PDE4D: variants seen among roughly 807,000 people sequenced by gnomAD.
PDE4D encodes 3',5'-cyclic-AMP phosphodiesterase 4D.
PDE4D carries 24 observed loss-of-function variants against 87.4 expected under a neutral mutation model. The ratio of observed to expected loss-of-function variants is 0.27; its 90% CI spans 0.20 to 0.39. The LOEUF (loss-of-function observed/expected upper bound fraction) is 0.39. PDE4D is among the 10% of genes least tolerant of loss of function. PDE4D has a pLI of 1.00. For synonymous variants in PDE4D, 384 were observed against 383.2 expected (o/e 1.00, Z -0.02); for missense variants, 714 against 1,041.0 (o/e 0.69, Z 4.32).
intron 1 of PDE4D, among the ~76,000 whole-genome samples, chr5:59,309,177 C>T (rs557218801): frequency 1.2e-3 from 178 of 152,234 alleles, no homozygotes; most frequent in African/African-American, 4.0e-3. Flanking sequence ...CCCAGGCTAC[C>T]CACCTCCCAG....
At chr5:59,221,084 C>T (rs139481341) in intron 1 of PDE4D, among the ~76,000 whole-genome samples, 2 of 152,078 alleles carry the variant, frequency 1.3e-5, no homozygotes, top group African/African-American at 2.4e-5. Context: ...ATTTTCCATT[C>T]GACCATGGGG....
intron 3 of PDE4D, among the ~76,000 whole-genome samples, chr5:59,931,291 CTTTA>C (rs927504836): frequency 3.3e-5 from 5 of 152,064 alleles, no homozygotes; most frequent in African/African-American, 1.2e-4. Flanking sequence ...TGTTTTAAGG[CTTTA>C]TTTGTTATAT....
At chr5:59,253,184 T>A (rs1377894715) in intron 1 of PDE4D, among the ~76,000 whole-genome samples, 9 of 152,170 alleles carry the variant, frequency 5.9e-5, no homozygotes, top group African/African-American at 1.9e-4. Context: ...TATGCTGGCT[T>A]TACAGCAGCA....
chr5:60,273,780 G>A (rs1171081373), intron 1 of PDE4D, among the ~76,000 whole-genome samples: 1 of 152,096 alleles, frequency 6.6e-6, no homozygotes, highest in Non-Finnish European at 1.5e-5. Flanking sequence ...GAATGCAGGA[G>A]GAGACGCAGA....
intron 5 of PDE4D, among the ~76,000 whole-genome samples, chr5:59,177,280 A>G (rs1784053529): frequency 6.6e-6 from 1 of 152,164 alleles, no homozygotes; most frequent in Non-Finnish European, 1.5e-5. Context: ...TCAGACTTCC[A>G]GCCTCCAGAA....
intron 1 of PDE4D, among the ~76,000 whole-genome samples, chr5:60,479,371 A>G (rs963127939): frequency 6.6e-6 from 1 of 152,208 alleles, no homozygotes; most frequent in African/African-American, 2.4e-5. Context: ...TGGCTTGACA[A>G]TCACAGCTTC....
chr5:59,738,817 A>C (rs1404300787), intron 1 of PDE4D, among the ~76,000 whole-genome samples: 2 of 152,010 alleles, frequency 1.3e-5, no homozygotes, highest in Non-Finnish European at 1.5e-5. Context: ...AACACTACGC[A>C]TACTTCTTAC....
intron 1 of PDE4D, among the ~76,000 whole-genome samples, chr5:59,797,555 CTT>C (rs1299961884): frequency 1.3e-5 from 2 of 152,168 alleles, no homozygotes; most frequent in African/African-American, 4.8e-5. Context: ...GAGGATCACT[CTT>C]TAACTGTAGA....
chr5:59,592,486 C>A (rs901457047), intron 1 of PDE4D, among the ~76,000 whole-genome samples: 1 of 152,132 alleles, frequency 6.6e-6, no homozygotes, highest in Non-Finnish European at 1.5e-5. Context: ...CACCTAGTTT[C>A]ATCACCTAAA....
chr5:60,301,353 T>C (rs1753875101), intron 1 of PDE4D, among the ~76,000 whole-genome samples: 1 of 152,210 alleles, frequency 6.6e-6, no homozygotes, highest in Non-Finnish European at 1.5e-5. Flanking sequence ...GAGCATGAAA[T>C]GTTGTTCCAT....
rs1173018387 is a variant in PDE4D at position 59,386,272 on chromosome 5, G to C, written c.456-170304C>G. 2.6e-5 allele frequency among the ~76,000 whole-genome samples: 4 copies of C among 152,050 alleles called. 1 individual carries two copies. In the East Asian group the frequency reaches 7.7e-4, roughly 29 times the overall value. On this transcript the variant is annotated intron_variant, in intron 1 of 14. Transcript: ENST00000340635. ...AGAACATTTTCCAAACTGTTACATT[G>C]AATACTAGTTTTTGAGATGTTAAGA...
intron 1 of PDE4D, among the ~76,000 whole-genome samples, chr5:59,859,857 C>A (rs1221717391): frequency 6.6e-6 from 1 of 152,060 alleles, no homozygotes. Context: ...TCCTAGATTT[C>A]AAGATTGATA....
chr5:59,458,743 T>C (rs1327671279), intron 1 of PDE4D, among the ~76,000 whole-genome samples: 1 of 152,178 alleles, frequency 6.6e-6, no homozygotes, highest in African/African-American at 2.4e-5. Flanking sequence ...TGACAACGCA[T>C]AAAAATAATG....
In PDE4D at chr5:59,396,607, G is replaced by A. The variant is rs1388019466; in HGVS notation, c.456-180639C>T. 1.3e-3 allele frequency among the ~76,000 whole-genome samples: 124 copies of A among 93,450 alleles called. 20 individuals are homozygous for A. Among genetic ancestry groups the A allele is most frequent in the African/African-American group, 5.4e-3 (109 of 20,070 alleles). The allele number at this position is 93,450 out of a possible 152,430, so 61.3% of individuals were successfully genotyped here. A position where few individuals can be genotyped will look rare whatever the true frequency, so the allele number is the denominator to read the frequency against. On this transcript the variant is annotated intron_variant, in intron 1 of 14. Coordinates refer to ENST00000340635, the MANE Select transcript of PDE4D (RefSeq NM_001104631.2). ...GCGCTAAACATGGAAAGGAACAACC[G>A]GTACCAGCCGCTGCAAAATCATGCC...
Position 59,963,145 on chromosome 5 carries a change from C to T in PDE4D, c.272+25343G>A, listed in dbSNP as rs574545161. ...TGACTTACAGGTTGCTGAGGCTCAA[C>T]GTTTCCTCTCTACCTTGCTTTTGTT... On this transcript the variant is annotated intron_variant, in intron 3 of 16. Coordinates refer to the PDE4D transcript ENST00000502484. Among the ~76,000 whole-genome samples the T allele has an allele frequency of 5.3e-5, 8 of 152,282 alleles. No homozygotes were observed. In the South Asian group the frequency reaches 8.3e-4, roughly 16 times the overall value.
intron 6 of PDE4D, among the ~76,000 whole-genome samples, chr5:59,030,838 T>C (rs576462209): frequency 2.6e-5 from 4 of 152,188 alleles, no homozygotes; most frequent in Non-Finnish European, 4.4e-5. Flanking sequence ...TCCTTTTTTT[T>C]CTCTTCAACT....
chr5:59,003,966 T>TAAAAAAA (rs35092276), intron 6 of PDE4D, among the ~76,000 whole-genome samples: 1 of 147,262 alleles, frequency 6.8e-6, no homozygotes, highest in Non-Finnish European at 1.5e-5. Flanking sequence ...CCCCCTCCTT[T>TAAAAAAA]AAAAAAAAAA....
chr5:60,184,849 C>T (rs1340424934), intron 2 of PDE4D, among the ~76,000 whole-genome samples: 1 of 152,156 alleles, frequency 6.6e-6, no homozygotes, highest in Non-Finnish European at 1.5e-5. Flanking sequence ...CCTTATCCCC[C>T]TTGGGTAAAT....
intron 1 of PDE4D, among the ~76,000 whole-genome samples, chr5:59,726,390 G>A (rs761622699): frequency 9.2e-5 from 14 of 151,964 alleles, no homozygotes; most frequent in South Asian, 2.1e-4. Context: ...AATAGTATTC[G>A]GAGATGGGTC....
Sources: gnomAD v4.1 joint callset for allele counts (sites outside exome capture counted in the v4.1 genomes callset) on GRCh38, gnomAD v4.1.1 for gene constraint, MANE v1.5 for transcripts, NCBI Gene and HGNC (gene_info 2026-07-23, HGNC 2026-07-21) for gene names.